The following SV2C variants were observed in gnomAD, a reference collection of about 807,000 sequenced individuals.
SV2C encodes the protein synaptic vesicle glycoprotein 2C.
SV2C carries 49 observed loss-of-function variants against 79.7 expected under a neutral mutation model. The observed-to-expected ratio is 0.61, with a 90% CI of 0.49 to 0.78. SV2C has a LOEUF of 0.78. Ranked by LOEUF, SV2C falls within the 30% of genes least tolerant of loss-of-function variation. The pLI, the probability that SV2C is intolerant of heterozygous loss-of-function variation, is 0.00. For missense variants in SV2C, 833 were observed against 912.9 expected (o/e 0.91, Z 1.13); for synonymous variants, 334 against 333.2 (o/e 1.00, Z -0.03).
At chr5:76,312,626 G>A (rs979576060) in intron 12 of SV2C, among the ~76,000 whole-genome samples, 17 of 152,174 alleles carry the variant, frequency 1.1e-4, no homozygotes, top group Non-Finnish European at 2.1e-4. Flanking sequence ...TGCAGCCCAC[G>A]CTCTCAGGGC....
chr5:76,050,573 T>A, the SV2C span, among the ~76,000 whole-genome samples: 2 of 151,056 alleles, frequency 1.3e-5, no homozygotes, highest in African/African-American at 4.9e-5. Flanking sequence ...ATTCTTGATC[T>A]CTCTCTCTCT....
downstream of SV2C, among the ~76,000 whole-genome samples, chr5:76,338,643 TTTTCTTTTTC>T (rs1315488955): frequency 3.3e-5 from 4 of 120,048 alleles, no homozygotes; most frequent in African/African-American, 1.7e-4. Context: ...AGTATTTTCT[TTTTCTTTTTC>T]TTTTTCTTTT....
At chr5:76,172,636 C>T (rs1743346116) in intron 2 of SV2C, among the ~76,000 whole-genome samples, 1 of 68,590 alleles carries the variant, frequency 1.5e-5, no homozygotes, top group Non-Finnish European at 2.6e-5. Context: ...ATTGAGAAAT[C>T]GGATGGTTGC....
the SV2C span, among the ~76,000 whole-genome samples, chr5:76,049,015 GAA>G: frequency 6.4e-3 from 578 of 90,346 alleles, 19 homozygotes; most frequent in South Asian, 0.013. Context: ...AAGAAAGAAA[GAA>G]AGAAAGAAAA....
the SV2C span, among the ~76,000 whole-genome samples, chr5:75,929,922 A>G: frequency 1.3e-5 from 2 of 152,340 alleles, no homozygotes; most frequent in South Asian, 4.1e-4. Flanking sequence ...ACATTTGGAT[A>G]ATTATCAGAA....
the SV2C span, among the ~76,000 whole-genome samples, chr5:76,073,646 G>A: frequency 6.6e-5 from 10 of 150,460 alleles, no homozygotes; most frequent in African/African-American, 2.4e-4. Context: ...AGTAACTCAG[G>A]AATGGAAAAC....
intron 2 of SV2C, among the ~76,000 whole-genome samples, chr5:76,159,486 C>T (rs112969144): frequency 6.7e-4 from 102 of 152,192 alleles, no homozygotes; most frequent in Non-Finnish European, 1.2e-3. Context: ...TAACTTAAAA[C>T]AACAGAAATT....
intron 4 of SV2C, among the ~76,000 whole-genome samples, chr5:76,217,226 C>T (rs959763801): frequency 1.8e-4 from 28 of 152,126 alleles, no homozygotes; most frequent in African/African-American, 4.6e-4. Flanking sequence ...AGCCATGATG[C>T]GATGTCCAGG....
chr5:76,084,500 C>G (rs1003011955), intron 1 of SV2C, among the ~76,000 whole-genome samples: 26 of 149,936 alleles, frequency 1.7e-4, no homozygotes, highest in African/African-American at 5.9e-4. Flanking sequence ...TGGCTTGGGG[C>G]AGCCAGCACC....
chr5:75,942,965 A>G, the SV2C span, among the ~76,000 whole-genome samples: 22 of 152,142 alleles, frequency 1.4e-4, no homozygotes, highest in Non-Finnish European at 2.8e-4. Context: ...GAAGCTGGAG[A>G]CCAGCCTGAG....
At chr5:75,992,145 G>A in the SV2C span, among the ~76,000 whole-genome samples, 237 of 151,882 alleles carry the variant, frequency 1.6e-3, 2 homozygotes, top group South Asian at 0.025. Flanking sequence ...TCCTATCCAC[G>A]TCATGGTCTA....
chr5:76,010,285 G>A, the SV2C span, among the ~76,000 whole-genome samples: 1 of 152,092 alleles, frequency 6.6e-6, no homozygotes, highest in Non-Finnish European at 1.5e-5. Context: ...GCTCAATCAA[G>A]CCTTCATGCC....
chr5:75,998,784 C>T, the SV2C span, among the ~76,000 whole-genome samples: 11 of 152,142 alleles, frequency 7.2e-5, no homozygotes, highest in East Asian at 2.1e-3. Context: ...GCCAATTCCT[C>T]ATAATAAATC....
At chr5:76,126,295 A>C (rs1053517971) in intron 1 of SV2C, among the ~76,000 whole-genome samples, 1 of 152,204 alleles carries the variant, frequency 6.6e-6, no homozygotes, top group South Asian at 2.1e-4. Flanking sequence ...TGATTTTTGC[A>C]CTGCACCTTA....
the SV2C span, among the ~76,000 whole-genome samples, chr5:75,929,871 A>T: frequency 1.3e-5 from 2 of 152,214 alleles, no homozygotes; most frequent in Non-Finnish European, 2.9e-5. Flanking sequence ...TATTGGTTGT[A>T]TCTTAAAGCT....
chr5:76,123,011 G>C (rs999696040), intron 1 of SV2C, among the ~76,000 whole-genome samples: 6 of 152,030 alleles, frequency 3.9e-5, no homozygotes, highest in Admixed American at 2.0e-4. Flanking sequence ...GAATCAAATA[G>C]ATGCAATAAA....
chr5:76,195,224 T>C (rs977698028), intron 3 of SV2C, 125 bp downstream of exon 3: 11 of 963,072 alleles, frequency 1.1e-5, no homozygotes, highest in Non-Finnish European at 1.7e-5. Context: ...ATGTCAGCCC[T>C]GGAAACCACA....
the SV2C span, chr5:75,911,192 G>C: frequency 1.3e-6 from 2 of 1,595,300 alleles, no homozygotes; most frequent in Non-Finnish European, 1.7e-6. Context: ...CTACCAGCCT[G>C]CAATGGCCCT....
Position 76,319,509 on chromosome 5 carries a change from G to A in SV2C, c.2001-5855G>A, listed in dbSNP as rs114172863. 8.2e-3 allele frequency among the ~76,000 whole-genome samples: 1,249 copies of A among 152,302 alleles called. 12 individuals are homozygous for A. The highest frequency in any genetic ancestry group is 0.024 in the African/African-American group (1,013 of 41,556). On this transcript the variant is annotated intron_variant, in intron 12 of 12. Coordinates refer to ENST00000502798, the MANE Select transcript of SV2C (RefSeq NM_014979.4). The stretch of plus-strand genomic sequence containing the variant: ...ACTTTTCCAAGGAAAGGGTAGTCAC[G>A]TTTTCTTGAATGCCGACACTAATTT...
Sources: gnomAD v4.1 joint callset for allele counts (sites outside exome capture counted in the v4.1 genomes callset) on GRCh38, gnomAD v4.1.1 for gene constraint, MANE v1.5 for transcripts, NCBI Gene and HGNC (gene_info 2026-07-23, HGNC 2026-07-21) for gene names.